NEK1: variants seen among roughly 807,000 people sequenced by gnomAD.
NEK1 encodes the protein NIMA related kinase 1.
A neutral mutation model predicts 182.1 loss-of-function variants in NEK1; 137 were observed. The observed-to-expected ratio is 0.75, with a 90% confidence interval of 0.65 to 0.87. NEK1 has a LOEUF of 0.87. Among genes scored for constraint, NEK1 ranks in the 40% least tolerant of loss-of-function variants. The probability of loss-of-function intolerance (pLI) is 0.00; values close to 1 mark genes in which losing one functional copy is unlikely to be tolerated. For synonymous variants in NEK1, 513 were observed against 492.2 expected (o/e 1.04, Z -0.56); for missense variants, 1,391 against 1,494.4 (o/e 0.93, Z 1.14).
At chr4:169,555,655 A>C (rs760524552) in intron 18 of NEK1, 65 bp downstream of exon 18, 2 of 1,587,722 alleles carry the variant, frequency 1.3e-6, no homozygotes, top group South Asian at 2.2e-5. Context: ...TGTAGGTACT[A>C]AGCTATGTAT....
intron 11 of NEK1, among the ~76,000 whole-genome samples, chr4:169,578,557 A>G (rs1328852435): frequency 1.3e-5 from 2 of 152,230 alleles, no homozygotes; most frequent in African/African-American, 4.8e-5. Context: ...AATGTTCATC[A>G]TATAATAGTA....
intron 35 of NEK1, 164 bp downstream of exon 35, chr4:169,400,061 C>G: frequency 1.4e-6 from 1 of 728,878 alleles, no homozygotes; most frequent in South Asian, 1.6e-5. Context: ...TATGACAGAT[C>G]AGTAAAAGTA....
At chr4:169,493,771 T>C (rs1308824323) in intron 23 of NEK1, among the ~76,000 whole-genome samples, 1 of 152,154 alleles carries the variant, frequency 6.6e-6, no homozygotes, top group Non-Finnish European at 1.5e-5. Context: ...AAACAAGGCC[T>C]TCAAGAAATA....
chr4:169,481,582 A>C (rs909116338), intron 23 of NEK1, among the ~76,000 whole-genome samples: 1 of 152,196 alleles, frequency 6.6e-6, no homozygotes. Context: ...ATGAGTAGTA[A>C]TATTTGGAAA....
intron 32 of NEK1, among the ~76,000 whole-genome samples, chr4:169,403,875 A>G (rs1732113816): frequency 1.3e-5 from 2 of 149,302 alleles, no homozygotes; most frequent in South Asian, 4.2e-4. Flanking sequence ...TTTAGACAAA[A>G]AAAAATAATA....
intron 29 of NEK1, among the ~76,000 whole-genome samples, chr4:169,430,995 T>C (rs1160023084): frequency 2.0e-5 from 3 of 151,428 alleles, no homozygotes; most frequent in Admixed American, 6.6e-5. Context: ...AATATACAAA[T>C]AAAATAAAAA....
At chr4:169,405,678 G>A (rs1732466651) in intron 32 of NEK1, among the ~76,000 whole-genome samples, 1 of 151,970 alleles carries the variant, frequency 6.6e-6, no homozygotes, top group Non-Finnish European at 1.5e-5. Flanking sequence ...CTGTTGCTCA[G>A]GCTGGAGTGC....
chr4:169,409,027 A>G (rs1316389600), intron 31 of NEK1, among the ~76,000 whole-genome samples: 1 of 152,196 alleles, frequency 6.6e-6, no homozygotes, highest in Non-Finnish European at 1.5e-5. Context: ...TTCTACCTTT[A>G]GCTCTTTAAG....
intron 23 of NEK1, among the ~76,000 whole-genome samples, chr4:169,487,154 A>AT (rs377512093): frequency 4.0e-5 from 6 of 151,662 alleles, no homozygotes; most frequent in East Asian, 1.9e-4. Context: ...TAAGGCAGTG[A>AT]TTTTTTTTTC....
intron 27 of NEK1, among the ~76,000 whole-genome samples, chr4:169,439,442 A>C (rs2149429746): frequency 6.6e-6 from 1 of 152,338 alleles, no homozygotes; most frequent in Admixed American, 6.5e-5. Context: ...ATAGTGTTGC[A>C]AATGTTTCAG....
At chr4:169,413,754 C>T (rs1039587400) in intron 31 of NEK1, among the ~76,000 whole-genome samples, 2 of 152,202 alleles carry the variant, frequency 1.3e-5, no homozygotes, top group African/African-American at 2.4e-5. Flanking sequence ...CGATGGCTCA[C>T]GCCTGTAATC....
rs1325130005 is a variant in NEK1, at chr4:169,507,053, T to G, written c.1991A>C (p.Lys664Thr). Residue 664 changes from lysine (K) to threonine (T), a missense_variant, in exon 23 of 36, where the codon AAA (lysine) becomes ACA (threonine). Physicochemically the swap from Lys to Thr is moderately conservative, Grantham distance 78. Around this residue, in one of 5 missense-constraint regions of NEK1, gnomAD observed 1,216 missense variants for 1,277.6 expected, o/e 0.95. Coordinates refer to ENST00000507142, the MANE Select transcript of NEK1 (RefSeq NM_001199397.3). ...AAATCTTACATGCTCTTCCCACACT[T>G]TTTTTTCTCTCTCATAAGCCTCCTT... ...KRKEAYEREK[K>T]VWEEHLVAKG... 5.0e-6 allele frequency: 8 copies of G among 1,607,878 alleles called. No individual in the cohort carries two copies. In the South Asian group the frequency reaches 8.9e-5, roughly 18 times the overall value.
At chr4:169,551,592 A>C (rs757730951) in intron 18 of NEK1, among the ~76,000 whole-genome samples, 1 of 152,144 alleles carries the variant, frequency 6.6e-6, no homozygotes, top group Non-Finnish European at 1.5e-5. Context: ...AAAAAGATAA[A>C]AATTTGTATG....
chr4:169,589,167 A>AGAACATGCTGTACCGG, intron 7 of NEK1, among the ~76,000 whole-genome samples: 1 of 152,344 alleles, frequency 6.6e-6, no homozygotes, highest in African/African-American at 2.4e-5. Flanking sequence ...TATTCAGTAC[A>AGAACATGCTGTACCGG]GAACATGCTG....
rs557972560 is a variant in NEK1 at position 169,521,472 on chromosome 4, C to T, written c.1666-12620G>A. On this transcript the variant is annotated intron_variant, in intron 19 of 35. Coordinates refer to ENST00000507142, the MANE Select transcript of NEK1 (RefSeq NM_001199397.3). ...TGCAGAAATCACCCGTCTTCTGCGT[C>T]GCTCACGCTGGGAGCTGTAGACCGG... Among the ~76,000 whole-genome samples the T allele has an allele frequency of 4.6e-5, 7 of 151,942 alleles. No homozygotes were observed. The East Asian group carries it at 9.7e-4, about 21-fold the overall frequency.
intron 5 of NEK1, among the ~76,000 whole-genome samples, chr4:169,596,015 C>G (rs1769424655): frequency 6.6e-6 from 1 of 151,612 alleles, no homozygotes; most frequent in Admixed American, 6.6e-5. Flanking sequence ...CTTACAGGGT[C>G]CCTGCGTCGT....
chr4:169,576,859 A>C, intron 12 of NEK1, 69 bp downstream of exon 12: 1 of 1,366,960 alleles, frequency 7.3e-7, no homozygotes, highest in South Asian at 1.3e-5. Context: ...AAGGTAACTG[A>C]ATTGAGCTGC....
At chr4:169,586,037 G>A (rs1386055882) in intron 9 of NEK1, among the ~76,000 whole-genome samples, 1 of 152,094 alleles carries the variant, frequency 6.6e-6, no homozygotes, top group African/African-American at 2.4e-5. Context: ...ACTATTATGT[G>A]TGCGTGTGAT....
At chr4:169,472,808 C>T (rs570647873) in intron 26 of NEK1, among the ~76,000 whole-genome samples, 89 of 152,172 alleles carry the variant, frequency 5.8e-4, no homozygotes, top group African/African-American at 2.1e-3. Flanking sequence ...TGCTACATGA[C>T]GGAGCATAAA....
Sources: gnomAD v4.1 joint callset for allele counts (sites outside exome capture counted in the v4.1 genomes callset) on GRCh38, gnomAD v4.1.1 for gene constraint, gnomAD v4.1.1 regional missense constraint, MANE v1.5 for transcripts, NCBI Gene and HGNC (gene_info 2026-07-23, HGNC 2026-07-21) for gene names.